Variants in OSGIN2 observed in about 807,000 individuals in gnomAD.
OSGIN2 encodes the protein oxidative stress induced growth inhibitor family member 2.
OSGIN2 carries 19 observed loss-of-function variants against 53.8 expected under a neutral mutation model. That is an observed-to-expected ratio of 0.35 (90% CI 0.25 to 0.52). OSGIN2 has a LOEUF of 0.52. OSGIN2 is among the 20% of genes least tolerant of loss of function. OSGIN2 has a pLI of 0.95. For missense variants in OSGIN2, 520 were observed against 662.7 expected, an observed-to-expected ratio of 0.78 and a Z score of 2.36; for synonymous variants, 236 against 236.0, an observed-to-expected ratio of 1.00 and a Z score of 0.00.
At chr8:89,904,896 A>G (rs1351200915) in intron 1 of OSGIN2, among the ~76,000 whole-genome samples, 6 of 152,220 alleles carry the variant, frequency 3.9e-5, no homozygotes, top group Admixed American at 1.3e-4. Context: ...ATAAGTAGTG[A>G]GAGAACTGTC....
At chr8:89,913,937 T>G in intron 2 of OSGIN2, 140 bp from the exon 3 acceptor site, 1 of 715,062 alleles carries the variant, frequency 1.4e-6, no homozygotes, top group East Asian at 2.7e-5. Context: ...GGTTAAAATC[T>G]CATGAAACAT....
Position 89,909,618 on chromosome 8 carries a change from A to G in OSGIN2, c.96A>G (p.Gln32=), listed in dbSNP as rs374938114. 8.7e-6 allele frequency: 14 copies of G among 1,607,972 alleles called. No individual in the cohort carries two copies. Among genetic ancestry groups the G allele is most frequent in the African/African-American group, 2.7e-5 (2 of 74,700 alleles). Residue 32 remains glutamine, a synonymous_variant, in exon 2 of 6, where the codon CAA becomes CAG. Coordinates refer to ENST00000451899, the MANE Select transcript of OSGIN2 (RefSeq NM_001126111.3). ...TEGEIFNSLV[Q]YFGDNLGRKV... ...GAGAGATTTTTAATTCCTTAGTGCA[A>G]TACTTTGGTGACAACTTGGGGCGAA...
At chr8:89,910,452 CA>C (rs1330419024) in intron 2 of OSGIN2, among the ~76,000 whole-genome samples, 1 of 152,138 alleles carries the variant, frequency 6.6e-6, no homozygotes, top group Non-Finnish European at 1.5e-5. Context: ...GCCTTGGTAG[CA>C]TATGACTTCC....
intron 5 of OSGIN2, among the ~76,000 whole-genome samples, chr8:89,922,382 A>G (rs890510645): frequency 1.3e-5 from 2 of 152,234 alleles, no homozygotes; most frequent in African/African-American, 4.8e-5. Context: ...AAGTAAAATT[A>G]GGCAAGTTGT....
At chr8:89,921,235 C>T (rs1027956569) in intron 5 of OSGIN2, 64 bp downstream of exon 5, 22 of 931,136 alleles carry the variant, frequency 2.4e-5, no homozygotes, top group Non-Finnish European at 3.5e-5. Context: ...GGAAAAATTT[C>T]AAAATATTTG....
chr8:89,916,792 A>G (rs1349072099), intron 4 of OSGIN2, among the ~76,000 whole-genome samples: 6 of 152,098 alleles, frequency 3.9e-5, no homozygotes, highest in Admixed American at 3.3e-4. Flanking sequence ...CCCTTTCTTG[A>G]AAGCTTACTC....
At chr8:89,921,381 A>G (rs534341786) in intron 5 of OSGIN2, 16 of 421,420 alleles carry the variant, frequency 3.8e-5, no homozygotes, top group African/African-American at 2.8e-4. Flanking sequence ...ATTATTGCAG[A>G]TTGGTTTCCT....
chr8:89,903,032 C>A (rs775705478), intron 1 of OSGIN2, among the ~76,000 whole-genome samples, 195 bp downstream of exon 1: 1 of 152,160 alleles, frequency 6.6e-6, no homozygotes, highest in African/African-American at 2.4e-5. Context: ...GGGAGCCCTG[C>A]GCTGTTCCCT....
chr8:89,902,760 C>G lies in OSGIN2; in HGVS notation c.-34C>G. The stretch of plus-strand genomic sequence containing the variant: ...CCGGGGGAGGCGGAGGCGGCCACGG[C>G]GGCCGCGCTCGGGCGCCCCTCGCGC... On this transcript the variant is annotated 5_prime_UTR_variant, in exon 1 of 6. Coordinates refer to ENST00000451899, the MANE Select transcript of OSGIN2 (RefSeq NM_001126111.3). 1 of 1,206,896 alleles carries G rather than the reference C, an allele frequency of 8.3e-7. No homozygotes were observed. The highest frequency in any genetic ancestry group is 1.0e-6 in the Non-Finnish European group (1 of 962,932). The allele number at this position is 1,206,896 out of a possible 1,614,324, so 74.8% of individuals were successfully genotyped here. A position where few individuals can be genotyped will look rare whatever the true frequency, so the allele number is the denominator to read the frequency against.
chr8:89,908,978 T>G (rs1808895740), intron 1 of OSGIN2, among the ~76,000 whole-genome samples: 2 of 111,934 alleles, frequency 1.8e-5, no homozygotes, highest in East Asian at 2.7e-4. Context: ...GCCATTATAC[T>G]CCAGCCTGGG....
chr8:89,921,683 A>C (rs185014622), intron 5 of OSGIN2, among the ~76,000 whole-genome samples: 1 of 152,200 alleles, frequency 6.6e-6, no homozygotes, highest in Non-Finnish European at 1.5e-5. Flanking sequence ...ATAAAAAAAA[A>C]TAAGAGTAGA....
Position 89,902,848 on chromosome 8 carries a change from C to T in OSGIN2, c.44+11C>T, listed in dbSNP as rs1268467373. On this transcript the variant is annotated intron_variant, in intron 1 of 5. Transcript: ENST00000451899. ...GGCCGGTCATTTCAGGTGACTTCCTCGCCGGGGATGGGAGGGGAGCAGGCG... is the reference window on the plus strand; with the variant it reads ...GGCCGGTCATTTCAGGTGACTTCCTTGCCGGGGATGGGAGGGGAGCAGGCG... 4 of 1,378,548 alleles carry T rather than the reference C, an allele frequency of 2.9e-6. No homozygotes were observed. The highest frequency in any genetic ancestry group is 2.5e-5 in the Admixed American group (1 of 40,552). The allele number at this position is 1,378,548 out of a possible 1,614,324, so 85.4% of individuals were successfully genotyped here. A position where few individuals can be genotyped will look rare whatever the true frequency, so the allele number is the denominator to read the frequency against.
intron 5 of OSGIN2, 83 bp from the exon 6 acceptor site, chr8:89,924,420 A>G (rs928617505): frequency 3.0e-6 from 3 of 991,878 alleles, no homozygotes; most frequent in Non-Finnish European, 4.5e-6. Flanking sequence ...AAAAAGCTAT[A>G]AAAGCTTACT....
chr8:89,913,938 C>T, intron 2 of OSGIN2, 139 bp from the exon 3 acceptor site: 1 of 719,538 alleles, frequency 1.4e-6, no homozygotes, highest in Non-Finnish European at 2.3e-6. Context: ...GTTAAAATCT[C>T]ATGAAACATC....
chr8:89,924,371 T>G, intron 5 of OSGIN2, 132 bp from the exon 6 acceptor site: 1 of 623,346 alleles, frequency 1.6e-6, no homozygotes, highest in Non-Finnish European at 2.6e-6. Context: ...TTTTTTTAAG[T>G]GTTAGGATAA....
intron 4 of OSGIN2, among the ~76,000 whole-genome samples, chr8:89,917,295 C>G (rs2130705631): frequency 1.3e-5 from 2 of 152,324 alleles, no homozygotes; most frequent in South Asian, 4.1e-4. Flanking sequence ...CCTTTCTGAT[C>G]ACAGTTTCCT....
Position 89,914,060 on chromosome 8 carries a change from C to A in OSGIN2, c.200-17C>A, listed in dbSNP as rs992056848. On this transcript the variant is annotated splice_polypyrimidine_tract_variant and intron_variant, in intron 2 of 5. Coordinates refer to ENST00000451899, the MANE Select transcript of OSGIN2 (RefSeq NM_001126111.3). ...AAGATGCATGACCTACCCCTTTCCA[C>A]CTTTTATTTTTAATAGGAAATGGAC... is the stretch of plus-strand genomic sequence containing the variant. 8 of 1,606,606 alleles carry A rather than the reference C, an allele frequency of 5.0e-6. No homozygotes were observed. In the African/African-American group the frequency reaches 9.4e-5, roughly 19 times the overall value.
In OSGIN2 at chr8:89,926,015, G is replaced by C. The variant is rs189942868; in HGVS notation, c.*483G>C. 6.4e-6 allele frequency: 1 copy of C among 155,542 alleles called. No homozygotes were observed. Among genetic ancestry groups the C allele is most frequent in the East Asian group, 1.9e-4 (1 of 5,284 alleles). 9.6% of individuals were successfully genotyped at this position (155,542 alleles called of 1,614,324 possible). A position where few individuals can be genotyped will look rare whatever the true frequency, so the allele number is the denominator to read the frequency against. Reference sequence around the variant, plus strand: ...TCTCAGGCCCCACAACTTACTTCCTGCATTTTAACAAGATCCCCAAGGGAT... The same window carrying C: ...TCTCAGGCCCCACAACTTACTTCCTCCATTTTAACAAGATCCCCAAGGGAT... On this transcript the variant is annotated 3_prime_UTR_variant, in exon 6 of 6. Coordinates refer to ENST00000451899, the MANE Select transcript of OSGIN2 (RefSeq NM_001126111.3).
At chr8:89,906,368 T>C (rs1808838966) in intron 1 of OSGIN2, among the ~76,000 whole-genome samples, 1 of 152,250 alleles carries the variant, frequency 6.6e-6, no homozygotes, top group Non-Finnish European at 1.5e-5. Flanking sequence ...AAAGCCATCC[T>C]GGGCCGCATG....
Sources: allele counts gnomAD v4.1 joint callset (sites outside exome capture counted in the v4.1 genomes callset), GRCh38; gene constraint gnomAD v4.1.1; transcripts MANE v1.5; gene names NCBI Gene and HGNC (gene_info 2026-07-23, HGNC 2026-07-21).